Variants in LIMS1 observed in about 807,000 individuals in gnomAD.
The protein encoded by LIMS1 is LIM and senescent cell antigen-like-containing domain protein 1.
LIMS1 carries 18 observed loss-of-function variants against 44.1 expected under a neutral mutation model. That is an observed-to-expected ratio of 0.41 (90% CI 0.28 to 0.61). The LOEUF is 0.61. Ranked by LOEUF, LIMS1 falls within the 20% of genes least tolerant of loss-of-function variation. The pLI is 0.32. For synonymous variants in LIMS1, 93 were observed against 149.1 expected (o/e 0.62, Z 2.74); for missense variants, 201 against 422.0 (o/e 0.48, Z 4.59).
intron 1 of LIMS1, among the ~76,000 whole-genome samples, chr2:108,646,067 C>A (rs896424116): frequency 1.3e-5 from 2 of 152,174 alleles, no homozygotes; most frequent in Non-Finnish European, 2.9e-5. Flanking sequence ...TAACACCCCA[C>A]TGTCAATATT....
At chr2:108,543,168 C>G (rs1270637758) in intron 1 of LIMS1, among the ~76,000 whole-genome samples, 1 of 152,114 alleles carries the variant, frequency 6.6e-6, no homozygotes, top group Non-Finnish European at 1.5e-5. Context: ...TGGTGGCTCA[C>G]ACCTGTAATC....
chr2:108,654,916 A>G (rs1434043357), intron 1 of LIMS1: 1 of 1,490,566 alleles, frequency 6.7e-7, no homozygotes, highest in Non-Finnish European at 8.9e-7. Flanking sequence ...CTGAGCTCTT[A>G]ACATGAAGCA....
intron 1 of LIMS1, among the ~76,000 whole-genome samples, chr2:108,622,362 A>G (rs1688296491): frequency 6.6e-6 from 1 of 152,186 alleles, no homozygotes; most frequent in East Asian, 1.9e-4. Flanking sequence ...TAAATTCTCT[A>G]TTTAAATGTA....
chr2:108,587,064 A>C (rs1442977680), intron 1 of LIMS1, among the ~76,000 whole-genome samples: 1 of 152,186 alleles, frequency 6.6e-6, no homozygotes, highest in Non-Finnish European at 1.5e-5. Flanking sequence ...GAAGCCTGTG[A>C]GGTTCCCCCA....
At chr2:108,651,180 C>T (rs1463302130) in intron 1 of LIMS1, among the ~76,000 whole-genome samples, 1 of 152,076 alleles carries the variant, frequency 6.6e-6, no homozygotes, top group Non-Finnish European at 1.5e-5. Flanking sequence ...TTGTCTTTAA[C>T]CCCCACATTA....
At chr2:108,612,671 G>A (rs1262464764) in intron 1 of LIMS1, among the ~76,000 whole-genome samples, 1 of 152,106 alleles carries the variant, frequency 6.6e-6, no homozygotes, top group Admixed American at 6.6e-5. Flanking sequence ...TCATATGAGT[G>A]GGGACTGCAC....
At chr2:108,676,159 G>A in intron 6 of LIMS1, 131 bp downstream of exon 6, 1 of 1,194,916 alleles carries the variant, frequency 8.4e-7, no homozygotes, top group Non-Finnish European at 1.2e-6. Context: ...AGGTGTCCTG[G>A]CAAGATTAGG....
intron 1 of LIMS1, among the ~76,000 whole-genome samples, chr2:108,642,450 C>T (rs888482012): frequency 2.0e-5 from 3 of 147,990 alleles, no homozygotes; most frequent in African/African-American, 7.5e-5. Flanking sequence ...AGCTCCGCCT[C>T]CCGGGTTCAC....
At chr2:108,563,228 C>G (rs1422159151) in intron 1 of LIMS1, among the ~76,000 whole-genome samples, 1 of 152,252 alleles carries the variant, frequency 6.6e-6, no homozygotes, top group East Asian at 1.9e-4. Context: ...AGCATCCATT[C>G]TGCAGCGCAG....
intron 1 of LIMS1, among the ~76,000 whole-genome samples, chr2:108,643,558 C>T (rs533966607): frequency 2.0e-5 from 3 of 150,988 alleles, no homozygotes; most frequent in African/African-American, 4.9e-5. Context: ...CAAAACTGGG[C>T]GGCCTTTAGG....
At chr2:108,626,120 G>A (rs1391068860) in intron 1 of LIMS1, among the ~76,000 whole-genome samples, 1 of 152,204 alleles carries the variant, frequency 6.6e-6, no homozygotes, top group African/African-American at 2.4e-5. Context: ...GTCAACGTTG[G>A]AGTAGCTCAG....
intron 1 of LIMS1, among the ~76,000 whole-genome samples, chr2:108,582,293 G>A (rs1685917403): frequency 6.6e-6 from 1 of 152,218 alleles, no homozygotes. Flanking sequence ...ATGGTTTCAG[G>A]AAAGGGGTAC....
intron 1 of LIMS1, among the ~76,000 whole-genome samples, chr2:108,560,707 A>T (rs985081116): frequency 1.3e-5 from 2 of 152,084 alleles, no homozygotes; most frequent in African/African-American, 4.8e-5. Context: ...GGATGGATGG[A>T]TGGATTTTAA....
intron 8 of LIMS1, among the ~76,000 whole-genome samples, chr2:108,678,829 G>A (rs1057340862): frequency 6.6e-6 from 1 of 152,206 alleles, no homozygotes; most frequent in African/African-American, 2.4e-5. Context: ...TATTTACCTA[G>A]TTCATATTTC....
chr2:108,545,488 C>T (rs114499216), intron 1 of LIMS1, among the ~76,000 whole-genome samples: 3,025 of 152,286 alleles, frequency 0.02, 111 homozygotes, highest in South Asian at 0.14. Flanking sequence ...CCTGCCTCGC[C>T]TCGGCTTCCC....
rs368106988 is a variant in LIMS1, at chr2:108,638,899, C to T, written c.33-20706C>T. Among the ~76,000 whole-genome samples, 11 of 152,174 alleles carry T rather than the reference C, an allele frequency of 7.2e-5. 1 individual carries two copies. The East Asian group carries it at 1.5e-3, about 21-fold the overall frequency. ...TCTACTAAAAACACAAAAAATTAGC[C>T]GGGCGTGTTGATAGGCACCTGTAGT... On this transcript the variant is annotated intron_variant, in intron 1 of 9. Coordinates refer to ENST00000544547, the Ensembl canonical transcript of LIMS1.
intron 1 of LIMS1, among the ~76,000 whole-genome samples, chr2:108,553,076 T>A (rs1024946089): frequency 2.0e-5 from 3 of 152,118 alleles, no homozygotes; most frequent in Non-Finnish European, 4.4e-5. Context: ...GATGGGATGT[T>A]AAAGAGAAAA....
chr2:108,662,094 A>G lies in LIMS1; in HGVS notation c.192+2330A>G, dbSNP rs1347754094. 3 of 1,546,816 alleles carry G rather than the reference A, an allele frequency of 1.9e-6. No individual in the cohort carries two copies. The African/African-American group carries it at 4.1e-5, about 21-fold the overall frequency. On this transcript the variant is annotated intron_variant, in intron 2 of 9. Transcript: ENST00000544547. Reference sequence around the variant, plus strand: ...AGCTCGGTCCAGGGGAGCAATAGAGAAGAACTCAGAGAAAAAGACAGGCTT... The same window carrying G: ...AGCTCGGTCCAGGGGAGCAATAGAGGAGAACTCAGAGAAAAAGACAGGCTT...
chr2:108,552,335 C>T (rs143278056), intron 1 of LIMS1, among the ~76,000 whole-genome samples: 19,179 of 135,456 alleles, frequency 0.14, 1,469 homozygotes, highest in African/African-American at 0.17. Context: ...ATATACTATA[C>T]GTGTAGTATA....
Sources: allele counts gnomAD v4.1 joint callset (sites outside exome capture counted in the v4.1 genomes callset), GRCh38; gene constraint gnomAD v4.1.1; transcripts MANE v1.5; gene names NCBI Gene and HGNC (gene_info 2026-07-23, HGNC 2026-07-21).